PBRM1: variants seen among roughly 807,000 people sequenced by gnomAD.
PBRM1 encodes the protein protein polybromo-1.
Under a neutral mutation model 194.5 loss-of-function variants are expected in PBRM1, and 27 were observed. That is an observed-to-expected ratio of 0.14 (90% CI 0.10 to 0.19). The LOEUF (loss-of-function observed/expected upper bound fraction) is 0.19. Ranked by LOEUF, PBRM1 falls within the 10% of genes least tolerant of loss-of-function variation. The probability of loss-of-function intolerance (pLI) is 1.00; values close to 1 mark genes in which losing one functional copy is unlikely to be tolerated. For missense variants in PBRM1, 1,466 were observed against 2,077.2 expected (o/e 0.71, Z 5.72); for synonymous variants, 655 against 693.2 (o/e 0.94, Z 0.87).
chr3:52,623,401 G>A (rs1429918961), intron 13 of PBRM1, among the ~76,000 whole-genome samples: 2 of 152,236 alleles, frequency 1.3e-5, no homozygotes, highest in Non-Finnish European at 2.9e-5. Flanking sequence ...CACCTTAAGA[G>A]CTTCAGTTGT....
At chr3:52,601,426 T>C (rs1006697795) in intron 17 of PBRM1, among the ~76,000 whole-genome samples, 1 of 152,180 alleles carries the variant, frequency 6.6e-6, no homozygotes, top group African/African-American at 2.4e-5. Context: ...TCATAAGCAG[T>C]GCACAACCTA....
At chr3:52,623,677 T>C (rs966813403) in intron 13 of PBRM1, among the ~76,000 whole-genome samples, 3 of 152,194 alleles carry the variant, frequency 2.0e-5, no homozygotes, top group Admixed American at 6.5e-5. Context: ...TTTAAACATA[T>C]TAACTAACTG....
chr3:52,642,081 A>G lies in PBRM1; in HGVS notation c.996-36T>C, dbSNP rs773585826. The stretch of plus-strand genomic sequence containing the variant: ...AAAAAAAGCAATTAGACAGGGAAGG[A>G]TGTTATAATAATTAGGTTACTTTAC... On this transcript the variant is annotated intron_variant, in intron 9 of 29. Transcript: ENST00000296302. The G allele has an allele frequency of 5.7e-6, 6 of 1,059,178 alleles. No individual in the cohort carries two copies. In the South Asian group the frequency reaches 7.7e-5, roughly 14 times the overall value. 65.6% of individuals were successfully genotyped at this position (1,059,178 alleles called of 1,614,324 possible). A position where few individuals can be genotyped will look rare whatever the true frequency, so the allele number is the denominator to read the frequency against.
downstream of PBRM1, chr3:52,545,926 T>C (rs1457332014): frequency 4.3e-6 from 1 of 232,934 alleles, no homozygotes; most frequent in Non-Finnish European, 8.5e-6. Flanking sequence ...CAAGTTAATA[T>C]ACAGAAAAAC....
chr3:52,558,153 A>G (rs1392914174), intron 26 of PBRM1, 96 bp downstream of exon 28: 2 of 846,460 alleles, frequency 2.4e-6, no homozygotes, highest in East Asian at 2.8e-5. Context: ...CTGTCATGAG[A>G]AAAGGCAATA....
intron 25 of PBRM1, 96 bp from the exon 28 acceptor site, chr3:52,558,509 C>T: frequency 9.3e-7 from 1 of 1,076,686 alleles, no homozygotes; most frequent in Non-Finnish European, 1.3e-6. Flanking sequence ...ACACAGGCAA[C>T]AGTTCTGTCT....
chr3:52,587,316 G>C, intron 19 of PBRM1, 37 bp downstream of exon 21: 1 of 1,431,496 alleles, frequency 7.0e-7, no homozygotes, highest in Admixed American at 1.9e-5. Context: ...TATTCCTAGG[G>C]AATGAGTGAG....
exon 24 of PBRM1, chr3:52,563,364 C>T (rs2153516227): frequency 1.2e-6 from 2 of 1,614,066 alleles, no homozygotes; most frequent in South Asian, 1.1e-5. Context: ...GTTCAATGAC[C>T]TCACTATCTT....
intron 4 of PBRM1, among the ~76,000 whole-genome samples, chr3:52,660,845 T>C (rs1661251423): frequency 6.6e-6 from 1 of 151,888 alleles, no homozygotes; most frequent in Non-Finnish European, 1.5e-5. Flanking sequence ...AAGAAGTAAT[T>C]GTATTTTTGA....
At chr3:52,594,600 T>G (rs1285133462) in intron 17 of PBRM1, among the ~76,000 whole-genome samples, 1 of 152,226 alleles carries the variant, frequency 6.6e-6, no homozygotes, top group African/African-American at 2.4e-5. Flanking sequence ...AGGTCAGTAT[T>G]GATATGTATG....
At chr3:52,648,375 G>A (rs2153779585) in exon 7 of PBRM1, 1 of 1,608,880 alleles carries the variant, frequency 6.2e-7, no homozygotes, top group Non-Finnish European at 8.5e-7. Context: ...CTCATTATAA[G>A]TTTTGGCATT....
chr3:52,561,640 T>C (rs774151763), intron 25 of PBRM1, 127 bp downstream of exon 27: 50 of 827,842 alleles, frequency 6.0e-5, no homozygotes, highest in Non-Finnish European at 8.8e-5. Context: ...TGGGTGCCAT[T>C]TGGAACAGTC....
intron 17 of PBRM1, among the ~76,000 whole-genome samples, chr3:52,595,550 G>T (rs2093464280): frequency 6.6e-6 from 1 of 152,192 alleles, no homozygotes; most frequent in Non-Finnish European, 1.5e-5. Context: ...TTAAGGAGTT[G>T]AGTTCCTCAT....
At chr3:52,593,512 T>C (rs1254453678) in intron 17 of PBRM1, among the ~76,000 whole-genome samples, 5 of 152,178 alleles carry the variant, frequency 3.3e-5, no homozygotes, top group African/African-American at 9.7e-5. Flanking sequence ...GCTTGGATTA[T>C]AGGCATGAGC....
intron 3 of PBRM1, among the ~76,000 whole-genome samples, chr3:52,664,244 A>G (rs2096783342): frequency 6.6e-6 from 1 of 151,620 alleles, no homozygotes; most frequent in South Asian, 2.1e-4. Flanking sequence ...TTAAAAAAAT[A>G]AATAAATAAA....
At chr3:52,634,861 G>C in intron 10 of PBRM1, 46 bp from the exon 12 acceptor site, 124 of 1,270,644 alleles carry the variant, frequency 9.8e-5, no homozygotes, top group Non-Finnish European at 1.3e-4. Flanking sequence ...ATGAGATGAA[G>C]AAAGAACCAT....
chr3:52,587,558 T>A (rs2092559672), intron 18 of PBRM1, 48 bp from the exon 21 acceptor site: 1 of 1,254,410 alleles, frequency 8.0e-7, no homozygotes, highest in Non-Finnish European at 1.1e-6. Context: ...GAATCATTGT[T>A]AACAGAAATC....
chr3:52,566,772 A>C (rs1340709927), intron 22 of PBRM1, among the ~76,000 whole-genome samples: 2 of 152,222 alleles, frequency 1.3e-5, no homozygotes, highest in Non-Finnish European at 2.9e-5. Context: ...ACTTAAAGCC[A>C]CTGAACTGTG....
intron 10 of PBRM1, among the ~76,000 whole-genome samples, chr3:52,636,845 TGA>T (rs2095841454): frequency 8.7e-6 from 1 of 114,794 alleles, no homozygotes; most frequent in Admixed American, 1.1e-4. Flanking sequence ...GGCGACAGAG[TGA>T]GACTCCGCCT....
Sources: allele counts gnomAD v4.1 joint callset (sites outside exome capture counted in the v4.1 genomes callset), GRCh38; gene constraint gnomAD v4.1.1; transcripts MANE v1.5; gene names NCBI Gene and HGNC (gene_info 2026-07-23, HGNC 2026-07-21).